FAM13C: variants seen among roughly 807,000 people sequenced by gnomAD.
FAM13C encodes the protein protein FAM13C.
Under a neutral mutation model 73.2 loss-of-function variants are expected in FAM13C, and 37 were observed. The observed-to-expected ratio is 0.51, with a 90% CI of 0.39 to 0.67. FAM13C has a LOEUF of 0.67. FAM13C is among the 30% of genes least tolerant of loss of function. The pLI is 0.00. For synonymous variants in FAM13C, 246 were observed against 260.9 expected, an observed-to-expected ratio of 0.94 and a Z score of 0.55; for missense variants, 589 against 715.6, an observed-to-expected ratio of 0.82 and a Z score of 2.02.
At chr10:59,309,131 A>G (rs189629659) in intron 4 of FAM13C, among the ~76,000 whole-genome samples, 3 of 152,302 alleles carry the variant, frequency 2.0e-5, no homozygotes, top group Admixed American at 2.0e-4. Context: ...ACGGACAGCT[A>G]TCTAACGCTT....
At chr10:59,265,329 G>C (rs1302212070) in intron 8 of FAM13C, among the ~76,000 whole-genome samples, 1 of 52,610 alleles carries the variant, frequency 1.9e-5, no homozygotes, top group Non-Finnish European at 4.4e-5. Context: ...TGGCGGGGGG[G>C]GGGGGGAATC....
intron 3 of FAM13C, among the ~76,000 whole-genome samples, chr10:59,332,245 T>C (rs1351679456): frequency 6.6e-6 from 1 of 152,086 alleles, no homozygotes; most frequent in African/African-American, 2.4e-5. Flanking sequence ...TATATATGTG[T>C]GTGTGTGTGT....
chr10:59,269,532 T>C (rs1843462481), intron 7 of FAM13C, among the ~76,000 whole-genome samples: 1 of 152,270 alleles, frequency 6.6e-6, no homozygotes, highest in South Asian at 2.1e-4. Flanking sequence ...TCCCAAGTGT[T>C]CCCAGAACTC....
chr10:59,352,073 A>G lies in FAM13C; in HGVS notation c.324+197T>C, dbSNP rs935470736. Among the ~76,000 whole-genome samples, 7 of 152,192 alleles carry G rather than the reference A, an allele frequency of 4.6e-5. 1 individual carries two copies. The highest frequency in any genetic ancestry group is 1.0e-4 in the Non-Finnish European group (7 of 68,032). On this transcript the variant is annotated intron_variant, in intron 3 of 13. Transcript: ENST00000618804. The stretch of plus-strand genomic sequence containing the variant: ...TTAAGAACACGTTTTAAGGGGCACC[A>G]AATTATTAGCCGGCTCAGAGCACCC...
chr10:59,291,138 C>A (rs1430851703), intron 5 of FAM13C, among the ~76,000 whole-genome samples: 5 of 152,124 alleles, frequency 3.3e-5, no homozygotes, highest in Non-Finnish European at 5.9e-5. Flanking sequence ...TTTCTCTGAG[C>A]CCCAGCCCTC....
intron 8 of FAM13C, among the ~76,000 whole-genome samples, chr10:59,264,638 A>C (rs985386328): frequency 3.9e-5 from 6 of 152,188 alleles, no homozygotes; most frequent in Non-Finnish European, 8.8e-5. Context: ...CCGTGGGAGA[A>C]TACTGAAAAA....
At chr10:59,330,591 A>T (rs77543443) in intron 3 of FAM13C, among the ~76,000 whole-genome samples, 6,380 of 152,234 alleles carry the variant, frequency 0.042, 352 homozygotes, top group African/African-American at 0.13. Context: ...TAGAGATTGG[A>T]GGCAGGGAGG....
At chr10:59,316,741 A>G (rs1849575688) in intron 4 of FAM13C, among the ~76,000 whole-genome samples, 1 of 152,222 alleles carries the variant, frequency 6.6e-6, no homozygotes. Context: ...TTTTAATCTT[A>G]TAGGACCACC....
intron 1 of FAM13C, among the ~76,000 whole-genome samples, chr10:59,359,085 T>C (rs903997947): frequency 2.6e-5 from 4 of 152,238 alleles, no homozygotes; most frequent in Admixed American, 2.6e-4. Flanking sequence ...ATTTGAACTT[T>C]TGCTCCCTCA....
At chr10:59,335,150 T>C (rs1335757848) in intron 3 of FAM13C, among the ~76,000 whole-genome samples, 2 of 152,228 alleles carry the variant, frequency 1.3e-5, no homozygotes, top group Admixed American at 6.5e-5. Flanking sequence ...TCATTAGGGC[T>C]GTTTATTGCT....
chr10:59,285,280 C>T (rs1218229076), intron 5 of FAM13C, among the ~76,000 whole-genome samples: 1 of 152,110 alleles, frequency 6.6e-6, no homozygotes, highest in African/African-American at 2.4e-5. Context: ...GGGAAGTTTT[C>T]CCAGCAGCTG....
At chr10:59,254,494 C>G (rs540231614) in intron 10 of FAM13C, 51 bp from the exon 11 acceptor site, 2 of 1,113,378 alleles carry the variant, frequency 1.8e-6, no homozygotes, top group East Asian at 5.5e-5. Context: ...AGAATGAAAA[C>G]GTCAACATTT....
intron 5 of FAM13C, among the ~76,000 whole-genome samples, chr10:59,291,485 A>T (rs896717504): frequency 1.3e-5 from 2 of 152,006 alleles, no homozygotes; most frequent in Non-Finnish European, 2.9e-5. Flanking sequence ...ACTCTCCGCC[A>T]CCTCCCAAAG....
At chr10:59,291,876 C>T (rs1275999975) in intron 5 of FAM13C, among the ~76,000 whole-genome samples, 5 of 147,012 alleles carry the variant, frequency 3.4e-5, no homozygotes, top group Admixed American at 1.4e-4. Context: ...GCAAGCTCCA[C>T]CTCCTGGGTT....
intron 3 of FAM13C, among the ~76,000 whole-genome samples, chr10:59,342,825 A>G (rs1420396495): frequency 6.6e-6 from 1 of 152,214 alleles, no homozygotes; most frequent in Non-Finnish European, 1.5e-5. Context: ...TCTGCTATCC[A>G]GACTTTCCAA....
intron 10 of FAM13C, 22 bp downstream of exon 10, chr10:59,262,412 A>G (rs546787378): frequency 1.2e-6 from 2 of 1,608,660 alleles, no homozygotes; most frequent in Non-Finnish European, 1.7e-6. Context: ...GGCCCTCTAT[A>G]TAACAAGACA....
chr10:59,269,940 G>T lies in FAM13C; in HGVS notation c.762C>A (p.Pro254=). 6.2e-7 allele frequency: 1 copy of T among 1,613,934 alleles called. No individual in the cohort carries two copies. Among genetic ancestry groups the T allele is most frequent in the Non-Finnish European group, 8.5e-7 (1 of 1,179,896 alleles). ...TGCTGGGTGGAGATGGGGCTGACTC[G>T]GGGTCTAAGTTGAATCTCTGGCTTT... The part of the protein sequence containing the change: ...FSQSQRFNLD[P]ESAPSPPSTQ... Residue 254 remains proline, a synonymous_variant, in exon 7 of 14, where the codon CCC becomes CCA. Transcript: ENST00000618804.
chr10:59,253,108 G>C, intron 11 of FAM13C, 110 bp from the exon 12 acceptor site: 1 of 1,042,178 alleles, frequency 9.6e-7, no homozygotes. Flanking sequence ...ACCAGTAGGT[G>C]ACCCATGTGC....
intron 13 of FAM13C, 154 bp from the exon 14 acceptor site, chr10:59,247,891 C>T (rs913393090): frequency 1.5e-6 from 1 of 649,196 alleles, no homozygotes; most frequent in African/African-American, 1.8e-5. Flanking sequence ...TTCATTCACT[C>T]CTTCTTCCAT....
Sources: gnomAD v4.1 joint callset for allele counts (sites outside exome capture counted in the v4.1 genomes callset) on GRCh38, gnomAD v4.1.1 for gene constraint, MANE v1.5 for transcripts, NCBI Gene and HGNC (gene_info 2026-07-23, HGNC 2026-07-21) for gene names.